The following VOPP1 variants were observed in gnomAD, a reference collection of about 807,000 sequenced individuals.
VOPP1 encodes the protein WW domain binding protein VOPP1.
Under a neutral mutation model 23.5 loss-of-function variants are expected in VOPP1, and 8 were observed. The ratio of observed to expected loss-of-function variants is 0.34; its 90% CI spans 0.20 to 0.61. The LOEUF is 0.61. Among genes scored for constraint, VOPP1 ranks in the 20% least tolerant of loss-of-function variants. The probability of loss-of-function intolerance (pLI) is 0.78; values close to 1 mark genes in which losing one functional copy is unlikely to be tolerated. For missense variants in VOPP1, 174 were observed against 238.1 expected, an observed-to-expected ratio of 0.73 and a Z score of 1.77; for synonymous variants, 83 against 97.3, an observed-to-expected ratio of 0.85 and a Z score of 0.86.
chr7:55,449,692 G>A (rs1209642522), intron 4 of VOPP1, among the ~76,000 whole-genome samples: 2 of 152,192 alleles, frequency 1.3e-5, no homozygotes, highest in African/African-American at 4.8e-5. Flanking sequence ...CTGCAGAGGC[G>A]TTCTGGCCAC....
chr7:55,474,659 A>G (rs1792097420), intron 4 of VOPP1, among the ~76,000 whole-genome samples: 1 of 152,244 alleles, frequency 6.6e-6, no homozygotes, highest in Non-Finnish European at 1.5e-5. Flanking sequence ...CTGCTACAGC[A>G]GCACCAGGAC....
At chr7:55,487,996 C>T (rs1793271830) in intron 4 of VOPP1, among the ~76,000 whole-genome samples, 1 of 152,246 alleles carries the variant, frequency 6.6e-6, no homozygotes, top group Admixed American at 6.5e-5. Flanking sequence ...TGTGTGAACA[C>T]AGTGGCTGGA....
chr7:55,523,226 T>C (rs1795980346), intron 1 of VOPP1, among the ~76,000 whole-genome samples: 2 of 152,166 alleles, frequency 1.3e-5, no homozygotes, highest in African/African-American at 4.8e-5. Context: ...TGAAAAAGCA[T>C]AGGCAAAAAC....
At chr7:55,561,867 G>A in intron 1 of VOPP1, 1 of 685,542 alleles carries the variant, frequency 1.5e-6, no homozygotes, top group Non-Finnish European at 2.7e-6. Flanking sequence ...AGTGGACAAT[G>A]AGAGTAGCCT....
chr7:55,560,004 T>C (rs1797932498), intron 1 of VOPP1, among the ~76,000 whole-genome samples: 1 of 152,080 alleles, frequency 6.6e-6, no homozygotes, highest in Non-Finnish European at 1.5e-5. Context: ...AATACAAAAA[T>C]TAGCTGGGGA....
rs548571733 is a variant in VOPP1, at chr7:55,477,407, C to CT, written c.329-4363dup. Among the ~76,000 whole-genome samples the CT allele has an allele frequency of 5.3e-5, 8 of 152,308 alleles. No individual in the cohort carries two copies. In the South Asian group the frequency reaches 1.7e-3, roughly 32 times the overall value. ...TGGACTTTGGCGCTGCCAGATTGTG[C>CT]TGGGTGTGCATGGGTTTCCTGAGAC... On this transcript the variant is annotated intron_variant, in intron 4 of 4. Coordinates refer to ENST00000285279, the MANE Select transcript of VOPP1 (RefSeq NM_030796.5).
intron 4 of VOPP1, among the ~76,000 whole-genome samples, chr7:55,441,711 C>A (rs1332169197): frequency 6.6e-6 from 1 of 152,130 alleles, no homozygotes; most frequent in African/African-American, 2.4e-5. Context: ...CAGTAGCGCA[C>A]CCCCACCCTC....
chr7:55,560,949 TC>T (rs1217819765), intron 1 of VOPP1, among the ~76,000 whole-genome samples: 9 of 152,254 alleles, frequency 5.9e-5, no homozygotes, highest in Admixed American at 1.3e-4. Flanking sequence ...TGCACTGCCA[TC>T]CCGCGTCAAT....
intron 2 of VOPP1, among the ~76,000 whole-genome samples, chr7:55,506,501 A>T (rs1019143007): frequency 6.6e-6 from 1 of 151,916 alleles, no homozygotes; most frequent in African/African-American, 2.4e-5. Flanking sequence ...ACGCCCAGCT[A>T]ATTTTTTATA....
At chr7:55,537,573 G>C in intron 1 of VOPP1, 1 of 1,535,962 alleles carries the variant, frequency 6.5e-7, no homozygotes, top group East Asian at 2.4e-5. Context: ...TCGCCAGCCA[G>C]TCGCCCACGG....
At chr7:55,570,336 G>T (rs1798306272) in intron 1 of VOPP1, among the ~76,000 whole-genome samples, 1 of 152,206 alleles carries the variant, frequency 6.6e-6, no homozygotes, top group Admixed American at 6.5e-5. Flanking sequence ...CAAAGTGGGT[G>T]ACATCACACT....
downstream of VOPP1, among the ~76,000 whole-genome samples, chr7:55,470,127 GA>G (rs1791737125): frequency 6.6e-6 from 1 of 152,224 alleles, no homozygotes; most frequent in Non-Finnish European, 1.5e-5. Context: ...AATACATCTT[GA>G]GAGGCTGGGG....
intron 2 of VOPP1, among the ~76,000 whole-genome samples, chr7:55,508,937 A>G (rs1794901204): frequency 1.3e-5 from 2 of 152,188 alleles, no homozygotes; most frequent in Non-Finnish European, 2.9e-5. Flanking sequence ...CTAGCGACTC[A>G]GAGGCTGAGG....
chr7:55,564,243 G>GTCTCTCTCTCTGTCTC (rs1554302404), intron 1 of VOPP1, among the ~76,000 whole-genome samples: 4 of 125,896 alleles, frequency 3.2e-5, no homozygotes, highest in Non-Finnish European at 3.3e-5. Flanking sequence ...CTCTGTCTCT[G>GTCTCTCTCTCTGTCTC]TCTCTCTCTC....
intron 4 of VOPP1, among the ~76,000 whole-genome samples, chr7:55,460,742 A>G (rs1791478807): frequency 1.3e-5 from 2 of 152,112 alleles, no homozygotes; most frequent in Non-Finnish European, 2.9e-5. Flanking sequence ...TTATCTTTTT[A>G]TAGTTTTTGA....
At chr7:55,500,095 C>T (rs537754078) in intron 2 of VOPP1, among the ~76,000 whole-genome samples, 1 of 152,244 alleles carries the variant, frequency 6.6e-6, no homozygotes, top group East Asian at 1.9e-4. Flanking sequence ...CTCAGCACTC[C>T]AGTGAGGTTC....
At chr7:55,489,537 C>A (rs929684440) in intron 4 of VOPP1, among the ~76,000 whole-genome samples, 1 of 152,154 alleles carries the variant, frequency 6.6e-6, no homozygotes, top group Non-Finnish European at 1.5e-5. Flanking sequence ...GAGTTGTTTG[C>A]GTGAAAGCTC....
At chr7:55,524,298 T>C (rs1796040885) in intron 1 of VOPP1, among the ~76,000 whole-genome samples, 1 of 152,238 alleles carries the variant, frequency 6.6e-6, no homozygotes, top group Admixed American at 6.5e-5. Flanking sequence ...GTTTGTTCCT[T>C]TACAAAAACT....
chr7:55,493,944 G>A (rs1793762229), intron 3 of VOPP1, among the ~76,000 whole-genome samples: 1 of 152,202 alleles, frequency 6.6e-6, no homozygotes, highest in African/African-American at 2.4e-5. Flanking sequence ...TGGGAACACT[G>A]CATTTCTTTT....
Sources: gnomAD v4.1 joint callset for allele counts (sites outside exome capture counted in the v4.1 genomes callset) on GRCh38, gnomAD v4.1.1 for gene constraint, MANE v1.5 for transcripts, NCBI Gene and HGNC (gene_info 2026-07-23, HGNC 2026-07-21) for gene names.